ARFGEF2: variants seen among roughly 807,000 people sequenced by gnomAD.
ARFGEF2 encodes ARF guanine nucleotide exchange factor 2.
A neutral mutation model predicts 219.9 loss-of-function variants in ARFGEF2; 74 were observed. The ratio of observed to expected loss-of-function variants is 0.34; its 90% CI spans 0.28 to 0.41. ARFGEF2 has a LOEUF of 0.41. ARFGEF2 is among the 10% of genes least tolerant of loss of function. The pLI is 1.00. For missense variants in ARFGEF2, 1,743 were observed against 2,218.3 expected (o/e 0.79, Z 4.30); for synonymous variants, 733 against 799.2 (o/e 0.92, Z 1.40).
intron 35 of ARFGEF2, among the ~76,000 whole-genome samples, chr20:49,023,883 A>G (rs2091584564): frequency 1.3e-5 from 2 of 152,304 alleles, no homozygotes; most frequent in South Asian, 4.1e-4. Context: ...AAAGATATAT[A>G]TAAAGATCCC....
Position 48,998,405 on chromosome 20 carries a change from T to C in ARFGEF2, c.3332T>C (p.Phe1111Ser). 6.2e-7 allele frequency: 1 copy of C among 1,614,144 alleles called. No individual in the cohort carries two copies. The highest frequency in any genetic ancestry group is 8.5e-7 in the Non-Finnish European group (1 of 1,180,010). Residue 1111 changes from phenylalanine (F) to serine (S), a missense_variant, in exon 25 of 39, where the codon TTC (phenylalanine) becomes TCC (serine). Physicochemically the swap from Phe to Ser is radical, Grantham distance 155. Around this residue, in one of 5 missense-constraint regions of ARFGEF2, gnomAD observed 666 missense variants for 955.4 expected, o/e 0.70. Transcript: ENST00000371917. ...GCTTCCCCCCACCATCCTCGCATGT[T>C]CAGCTTGCAGAAGATTGTGGAGATA... ...ELASPHHPRM[F>S]SLQKIVEISY...
chr20:49,034,798 T>C lies in ARFGEF2; in HGVS notation c.*1599T>C, dbSNP rs1272761429. On this transcript the variant is annotated 3_prime_UTR_variant, in exon 39 of 39. Transcript: ENST00000371917. ...AGTTGTTTTCTTGTTTTAACAGCCT[T>C]GAGAAATGTTTGGTTTTGGCCAGCA... is the stretch of plus-strand genomic sequence containing the variant. 1 of 152,238 alleles carries C rather than the reference T, an allele frequency of 6.6e-6. No homozygotes were observed. Among genetic ancestry groups the C allele is most frequent in the African/African-American group, 2.4e-5 (1 of 41,466 alleles). 9.4% of individuals were successfully genotyped at this position (152,238 alleles called of 1,614,324 possible).
At chr20:49,025,651 T>C (rs931933046) in intron 36 of ARFGEF2, among the ~76,000 whole-genome samples, 170 bp downstream of exon 36, 2 of 152,172 alleles carry the variant, frequency 1.3e-5, no homozygotes, top group Non-Finnish European at 2.9e-5. Context: ...TCCCAGTACA[T>C]GGTAGATTCT....
chr20:49,027,855 C>T (rs2091612487), intron 36 of ARFGEF2, among the ~76,000 whole-genome samples: 2 of 152,228 alleles, frequency 1.3e-5, no homozygotes, highest in Non-Finnish European at 2.9e-5. Context: ...AGGCCAGGCT[C>T]AGTGGCTCAT....
At chr20:48,935,734 A>C (rs1477498150) in intron 1 of ARFGEF2, among the ~76,000 whole-genome samples, 1 of 132,242 alleles carries the variant, frequency 7.6e-6, no homozygotes. Context: ...TGACACCCCC[A>C]CCTCCCTCCC....
intron 1 of ARFGEF2, among the ~76,000 whole-genome samples, chr20:48,924,680 G>A (rs547656861): frequency 3.9e-5 from 6 of 152,272 alleles, no homozygotes; most frequent in African/African-American, 9.6e-5. Flanking sequence ...ACAGGAAACA[G>A]CTTCTGTGAT....
chr20:49,003,446 A>G (rs1404404729), intron 25 of ARFGEF2, among the ~76,000 whole-genome samples: 1 of 151,666 alleles, frequency 6.6e-6, no homozygotes, highest in Non-Finnish European at 1.5e-5. Flanking sequence ...CTCTACTAAA[A>G]ATACAAAAAT....
At chr20:48,934,733 T>C (rs2090936017) in intron 1 of ARFGEF2, among the ~76,000 whole-genome samples, 1 of 152,368 alleles carries the variant, frequency 6.6e-6, no homozygotes, top group East Asian at 1.9e-4. Flanking sequence ...ATGTGCCACA[T>C]TTTCTTTATC....
chr20:49,033,109 G>T lies in ARFGEF2; in HGVS notation c.5268G>T (p.Arg1756=). The change falls in exon 39 of 39, where the codon CGG becomes CGT. Residue 1756 remains arginine (R), a synonymous_variant. Coordinates refer to ENST00000371917, the MANE Select transcript of ARFGEF2 (RefSeq NM_006420.3). ...DLIPELRAVL[R]KFFLRIGVVY... Reference sequence around the variant, plus strand: ...TCCCTGAGCTCCGAGCAGTTCTGCGGAAGTTCTTCCTACGGATAGGTGTTG... The same window carrying T: ...TCCCTGAGCTCCGAGCAGTTCTGCGTAAGTTCTTCCTACGGATAGGTGTTG... 1 of 1,614,232 alleles carries T rather than the reference G, an allele frequency of 6.2e-7. No homozygotes were observed. The highest frequency in any genetic ancestry group is 8.5e-7 in the Non-Finnish European group (1 of 1,180,044).
chr20:48,959,535 C>T (rs1320048442), intron 6 of ARFGEF2, among the ~76,000 whole-genome samples: 2 of 64,904 alleles, frequency 3.1e-5, no homozygotes, highest in Non-Finnish European at 3.0e-5. Context: ...CTTTCCCTCC[C>T]TCCCTCTGTC....
chr20:48,966,099 CA>C lies in ARFGEF2; in HGVS notation c.1059+80del. On this transcript the variant is annotated intron_variant, in intron 8 of 38. Transcript: ENST00000371917. ...AAAGATGCAGAATTAAGTCTTTCCT[CA>C]AAAGAAGCAACTAAAATAAGCAAGC... The C allele has an allele frequency of 4.5e-6, 7 of 1,562,710 alleles. 1 individual carries two copies. The highest frequency in any genetic ancestry group is 5.3e-6 in the Non-Finnish European group (6 of 1,142,286).
intron 3 of ARFGEF2, among the ~76,000 whole-genome samples, chr20:48,950,015 A>G (rs945179812): frequency 3.9e-5 from 6 of 152,146 alleles, no homozygotes; most frequent in African/African-American, 1.4e-4. Context: ...TCTGGGTCGG[A>G]GTCCAGGAAC....
At chr20:48,956,805 C>G (rs951049200) in intron 6 of ARFGEF2, among the ~76,000 whole-genome samples, 1 of 152,196 alleles carries the variant, frequency 6.6e-6, no homozygotes, top group African/African-American at 2.4e-5. Flanking sequence ...ATCTCGAACT[C>G]CTGACCTCAG....
chr20:49,025,584 C>T (rs2091597215), intron 36 of ARFGEF2, 103 bp downstream of exon 36: 1 of 1,291,564 alleles, frequency 7.7e-7, no homozygotes. Flanking sequence ...GCTAGAATAA[C>T]TTAACAGATA....
At chr20:48,989,802 C>T in intron 20 of ARFGEF2, 118 bp downstream of exon 20, 1 of 1,431,750 alleles carries the variant, frequency 7.0e-7, no homozygotes, top group Non-Finnish European at 9.6e-7. Flanking sequence ...AAGCTACTTA[C>T]TTATGCCTAC....
intron 6 of ARFGEF2, among the ~76,000 whole-genome samples, chr20:48,957,080 T>G (rs1192631031): frequency 6.6e-6 from 1 of 152,192 alleles, no homozygotes; most frequent in African/African-American, 2.4e-5. Context: ...AGCATGTGAC[T>G]TCTATCCTTA....
intron 14 of ARFGEF2, among the ~76,000 whole-genome samples, chr20:48,982,067 G>C (rs1410474986): frequency 6.6e-6 from 1 of 152,108 alleles, no homozygotes; most frequent in African/African-American, 2.4e-5. Flanking sequence ...GAGGTGCTCT[G>C]GTTTTTAGAA....
intron 1 of ARFGEF2, among the ~76,000 whole-genome samples, chr20:48,930,378 A>G (rs1173546523): frequency 6.6e-6 from 1 of 152,266 alleles, no homozygotes; most frequent in Non-Finnish European, 1.5e-5. Context: ...CATCGCAGGC[A>G]GTTACCATTG....
In ARFGEF2 at chr20:48,965,711, C is replaced by G. The variant is rs17367758; in HGVS notation, c.908-161C>G. Among the ~76,000 whole-genome samples the G allele has an allele frequency of 0.1, 15,888 of 152,232 alleles. 978 individuals are homozygous for G. The highest frequency in any genetic ancestry group is 0.13 in the Non-Finnish European group (8,976 of 68,016). On this transcript the variant is annotated intron_variant, in intron 7 of 38. Transcript: ENST00000371917. ...CGTAAGGCTTAAGCATCACTTTGGC[C>G]AAGGCTTTTCCAGGATTATGTCAGT... is the stretch of plus-strand genomic sequence containing the variant.
Sources: allele counts gnomAD v4.1 joint callset (sites outside exome capture counted in the v4.1 genomes callset), GRCh38; gene constraint gnomAD v4.1.1; regional missense constraint gnomAD v4.1.1; transcripts MANE v1.5; gene names NCBI Gene and HGNC (gene_info 2026-07-23, HGNC 2026-07-21).